COL11A1: variants seen among roughly 807,000 people sequenced by gnomAD.
The protein encoded by COL11A1 is collagen alpha-1(XI) chain.
A neutral mutation model predicts 265.2 loss-of-function variants in COL11A1; 74 were observed. The observed-to-expected ratio is 0.28, with a 90% CI of 0.23 to 0.34. The LOEUF is 0.34. Ranked by LOEUF, COL11A1 falls within the 10% of genes least tolerant of loss-of-function variation. The probability of loss-of-function intolerance (pLI) is 1.00; values close to 1 mark genes in which losing one functional copy is unlikely to be tolerated. For missense variants in COL11A1, 2,165 were observed against 2,263.6 expected (o/e 0.96, Z 0.88); for synonymous variants, 816 against 727.6 (o/e 1.12, Z -1.96).
chr1:103,012,103 A>C, intron 14 of COL11A1, among the ~76,000 whole-genome samples: 1 of 152,208 alleles, frequency 6.6e-6, no homozygotes, highest in East Asian at 1.9e-4. Context: ...GATTTAATGT[A>C]AAACATAATT....
intron 4 of COL11A1, among the ~76,000 whole-genome samples, chr1:103,061,266 A>G (rs977949945): frequency 2.6e-5 from 4 of 152,182 alleles, no homozygotes; most frequent in African/African-American, 9.6e-5. Context: ...AATCTAATAG[A>G]TATGGAAGGA....
chr1:103,076,092 T>C (rs1363069778), intron 3 of COL11A1, among the ~76,000 whole-genome samples: 1 of 152,152 alleles, frequency 6.6e-6, no homozygotes, highest in Non-Finnish European at 1.5e-5. Flanking sequence ...TTTTGTTTAA[T>C]TAATGTAGGC....
chr1:102,919,171 T>C (rs956911673), intron 49 of COL11A1, among the ~76,000 whole-genome samples: 16 of 149,194 alleles, frequency 1.1e-4, no homozygotes, highest in Admixed American at 3.4e-4. Context: ...CACCAACTAC[T>C]GGAACAGTTT....
intron 4 of COL11A1, among the ~76,000 whole-genome samples, chr1:103,055,941 C>T (rs1262453434): frequency 6.6e-6 from 1 of 152,142 alleles, no homozygotes. Context: ...AAACTATAAA[C>T]TCTGAACAAA....
chr1:103,082,656 G>T, intron 2 of COL11A1, 149 bp downstream of exon 2: 1 of 697,356 alleles, frequency 1.4e-6, no homozygotes, highest in Non-Finnish European at 2.3e-6. Context: ...TCTGATATAA[G>T]AAAGAATTGC....
At chr1:102,961,603 T>A (rs183107799) in intron 41 of COL11A1, 3 of 388,168 alleles carry the variant, frequency 7.7e-6, no homozygotes, top group Admixed American at 4.1e-5. Flanking sequence ...TAATGAGGAT[T>A]TATTTCCTTG....
At chr1:102,883,061 G>A (rs1335575699) in intron 64 of COL11A1, 138 bp downstream of exon 64, 2 of 702,894 alleles carry the variant, frequency 2.8e-6, no homozygotes, top group South Asian at 1.5e-5. Flanking sequence ...TCATGTTTAT[G>A]CAAATGAAGT....
chr1:102,943,602 T>C lies in COL11A1; in HGVS notation c.3277-3168A>G, dbSNP rs537675860. ...TGTTTTCTCTCAACACTACATCACG[T>C]GGTAATCCAAAAATATGCTTTTAAA... is the stretch of plus-strand genomic sequence containing the variant. On this transcript the variant is annotated intron_variant, in intron 42 of 66. Coordinates refer to ENST00000370096, the MANE Select transcript of COL11A1 (RefSeq NM_001854.4). Among the ~76,000 whole-genome samples, 8 of 152,174 alleles carry C rather than the reference T, an allele frequency of 5.3e-5. No individual in the cohort carries two copies. The South Asian group carries it at 1.7e-3, about 32-fold the overall frequency.
chr1:102,937,202 T>C (rs1183563412), intron 44 of COL11A1, among the ~76,000 whole-genome samples: 1 of 152,184 alleles, frequency 6.6e-6, no homozygotes, highest in Middle Eastern at 3.2e-3. Flanking sequence ...CAAAAGCTTT[T>C]TGGGCTCCTA....
Position 103,078,400 on chromosome 1 carries a change from A to G in COL11A1, c.488+258T>C, listed in dbSNP as rs555421171. Among the ~76,000 whole-genome samples the G allele has an allele frequency of 5.3e-5, 8 of 152,016 alleles. No homozygotes were observed. The East Asian group carries it at 1.6e-3, about 29-fold the overall frequency. ...TTAAAACTACCCACCCCACTGCCACACCCTAACCTCTTTACTGCTCTCTTT... is the reference window on the plus strand; with the variant it reads ...TTAAAACTACCCACCCCACTGCCACGCCCTAACCTCTTTACTGCTCTCTTT... On this transcript the variant is annotated intron_variant, in intron 3 of 66. Coordinates refer to ENST00000370096, the MANE Select transcript of COL11A1 (RefSeq NM_001854.4).
intron 41 of COL11A1, among the ~76,000 whole-genome samples, chr1:102,955,322 G>A (rs1461747938): frequency 1.3e-5 from 2 of 152,114 alleles, no homozygotes; most frequent in African/African-American, 4.8e-5. Flanking sequence ...AGCAAGAGAA[G>A]AAGAAGAAAT....
chr1:102,887,192 T>C (rs377712152), intron 62 of COL11A1, 136 bp from the exon 63 acceptor site: 1 of 1,014,692 alleles, frequency 9.9e-7, no homozygotes, highest in South Asian at 1.4e-5. Context: ...ATTTATGCTA[T>C]AGGATAAGTT....
chr1:102,929,409 C>A (rs139089177), intron 46 of COL11A1, among the ~76,000 whole-genome samples: 1 of 151,654 alleles, frequency 6.6e-6, no homozygotes, highest in South Asian at 2.1e-4. Flanking sequence ...TGTAGATATG[C>A]GGCATTATTT....
intron 28 of COL11A1, 93 bp from the exon 29 acceptor site, chr1:102,989,664 G>C: frequency 1.3e-6 from 1 of 797,082 alleles, no homozygotes; most frequent in South Asian, 1.7e-5. Flanking sequence ...CTGATAACGA[G>C]GGAAAATTAT....
At chr1:102,929,312 C>G (rs909786554) in intron 46 of COL11A1, among the ~76,000 whole-genome samples, 1 of 152,036 alleles carries the variant, frequency 6.6e-6, no homozygotes, top group Non-Finnish European at 1.5e-5. Context: ...CTACATATGG[C>G]TAGCCAGTTC....
chr1:102,932,756 C>A (rs935966071), intron 46 of COL11A1, among the ~76,000 whole-genome samples: 4 of 150,782 alleles, frequency 2.7e-5, no homozygotes, highest in African/African-American at 9.7e-5. Flanking sequence ...GGTCTTTTCA[C>A]ATAGTCCCAT....
chr1:103,072,140 G>A (rs1671639900), intron 4 of COL11A1, among the ~76,000 whole-genome samples: 1 of 151,788 alleles, frequency 6.6e-6, no homozygotes, highest in Non-Finnish European at 1.5e-5. Context: ...TCTTCTTGTG[G>A]TGAGCATATG....
intron 1 of COL11A1, among the ~76,000 whole-genome samples, chr1:103,097,906 C>G (rs1484178033): frequency 6.6e-6 from 1 of 151,856 alleles, no homozygotes; most frequent in Non-Finnish European, 1.5e-5. Context: ...AGTTATTGAA[C>G]AGACTCAATC....
intron 41 of COL11A1, among the ~76,000 whole-genome samples, chr1:102,949,893 C>T (rs1659708226): frequency 6.6e-6 from 1 of 152,100 alleles, no homozygotes; most frequent in Non-Finnish European, 1.5e-5. Flanking sequence ...TTGTGTAAAA[C>T]AAACAAAAAA....
Sources: gnomAD v4.1 joint callset for allele counts (sites outside exome capture counted in the v4.1 genomes callset) on GRCh38, gnomAD v4.1.1 for gene constraint, MANE v1.5 for transcripts, NCBI Gene and HGNC (gene_info 2026-07-23, HGNC 2026-07-21) for gene names.